AFDN: variants seen among roughly 807,000 people sequenced by gnomAD.
AFDN encodes the protein afadin, adherens junction formation factor.
Under a neutral mutation model 216.6 loss-of-function variants are expected in AFDN, and 68 were observed. The ratio of observed to expected loss-of-function variants is 0.31; its 90% confidence interval spans 0.26 to 0.38. The LOEUF is 0.38. Ranked by LOEUF, AFDN falls within the 10% of genes least tolerant of loss-of-function variation. AFDN has a pLI of 1.00. For synonymous variants in AFDN, 868 were observed against 853.7 expected (o/e 1.02, Z -0.29); for missense variants, 2,136 against 2,342.0 (o/e 0.91, Z 1.82).
chr6:167,866,520 T>C (rs1347177891), intron 2 of AFDN, among the ~76,000 whole-genome samples: 1 of 152,208 alleles, frequency 6.6e-6, no homozygotes, highest in Non-Finnish European at 1.5e-5. Flanking sequence ...TGTTTAACAG[T>C]GAACAGTTAG....
At position 167,917,241 on chromosome 6, in the gene AFDN, A is replaced by T; in HGVS notation, c.2709+9A>T. The T allele has an allele frequency of 6.3e-7, 1 of 1,579,818 alleles. No individual in the cohort carries two copies. ...AGCCTTTTATCCCAACGGTGAGTGG[A>T]TGTTGCCACATTACCACACAGTGCG... On this transcript the variant is annotated intron_variant, in intron 20 of 33. Coordinates refer to ENST00000683244, the MANE Select transcript of AFDN (RefSeq NM_001386888.1).
intron 1 of AFDN, among the ~76,000 whole-genome samples, chr6:167,835,889 T>A (rs543142227): frequency 9.8e-5 from 15 of 152,318 alleles, no homozygotes; most frequent in African/African-American, 3.6e-4. Context: ...AGGGCTGATT[T>A]AAAAAATATG....
intron 9 of AFDN, among the ~76,000 whole-genome samples, chr6:167,894,229 G>A (rs1474280218): frequency 3.9e-5 from 6 of 152,216 alleles, no homozygotes; most frequent in South Asian, 2.1e-4. Context: ...CTCGTTGGGC[G>A]GTGCTCAGCC....
chr6:167,950,313 T>TATCTGAGTAGACTCCTTTCATATGTGCCA (rs1795819233), intron 29 of AFDN, among the ~76,000 whole-genome samples: 1 of 152,228 alleles, frequency 6.6e-6, no homozygotes, highest in Admixed American at 6.5e-5. Context: ...TGATCATGTT[T>TATCTGAGTAGACTCCTTTCATATGTGCCA]ATCTGAGTAG....
chr6:167,894,018 A>G, intron 9 of AFDN, 112 bp downstream of exon 9: 2 of 806,396 alleles, frequency 2.5e-6, no homozygotes, highest in Non-Finnish European at 4.1e-6. Context: ...GTTGATATAA[A>G]TAACCTATTT....
intron 1 of AFDN, among the ~76,000 whole-genome samples, chr6:167,862,174 A>G (rs1298139870): frequency 6.6e-6 from 1 of 152,130 alleles, no homozygotes; most frequent in East Asian, 1.9e-4. Context: ...GGGTAGCGGC[A>G]GATGCTTGAA....
intron 13 of AFDN, 56 bp from the exon 14 acceptor site, chr6:167,911,045 G>T: frequency 1.4e-6 from 2 of 1,427,980 alleles, no homozygotes; most frequent in Non-Finnish European, 2.0e-6. Context: ...CAGGTTGTCA[G>T]TAATATTGTT....
chr6:167,966,187 A>C, intron 32 of AFDN, 142 bp downstream of exon 32: 1 of 1,534,304 alleles, frequency 6.5e-7, no homozygotes, highest in Non-Finnish European at 8.7e-7. Context: ...CCCTCAGCCA[A>C]AGCCAACAGT....
rs752823206 is a variant in AFDN at position 167,914,688 on chromosome 6, C to T, written c.2249C>T (p.Pro750Leu). The part of the protein sequence containing the change: ...CLQSELNNYM[P>L]AFLDDPEENS... The stretch of plus-strand genomic sequence containing the variant: ...CAATCAGAACTTAATAATTACATGC[C>T]AGCCTTTCTAGATGACCCTGAAGAG... The change falls in exon 18 of 34, where the codon CCA becomes CTA. Residue 750 changes from proline to leucine, a missense_variant. Pro to Leu is a moderately conservative substitution (Grantham distance 98, BLOSUM62 -3). Transcript: ENST00000683244. 2.5e-6 allele frequency: 4 copies of T among 1,613,454 alleles called. No homozygotes were observed. The highest frequency in any genetic ancestry group is 3.4e-6 in the Non-Finnish European group (4 of 1,179,672).
intron 32 of AFDN, 60 bp downstream of exon 32, chr6:167,966,105 A>G (rs1797529931): frequency 2.0e-6 from 3 of 1,536,600 alleles, no homozygotes; most frequent in Non-Finnish European, 2.6e-6. Context: ...TGCCCCTCTT[A>G]AACCACGGCC....
Position 167,911,397 on chromosome 6 carries a change from C to A in AFDN, c.1945C>A (p.Gln649Lys). The A allele has an allele frequency of 6.2e-7, 1 of 1,614,112 alleles. No homozygotes were observed. Among genetic ancestry groups the A allele is most frequent in the Non-Finnish European group, 8.5e-7 (1 of 1,180,004 alleles). ...YMACRYVLSN[Q>K]YRPDISPTER... is the part of the protein sequence containing the mutation. ...GGCATGCCGGTATGTATTGTCCAAC[C>A]AGTACAGACCTGACATCAGCCCTAC... The change falls in exon 15 of 34, where the codon CAG (glutamine) becomes AAG (lysine). Residue 649 changes from glutamine to lysine, a missense_variant. Physicochemically the swap from Gln to Lys is moderately conservative, Grantham distance 53. Around this residue, in one of 8 missense-constraint regions of AFDN, gnomAD observed 817 missense variants for 965.7 expected, o/e 0.85. Coordinates refer to ENST00000683244, the MANE Select transcript of AFDN (RefSeq NM_001386888.1).
rs745826243 is a variant in AFDN at position 167,922,811 on chromosome 6, AC to A, written c.2909-44del. 2.1e-5 allele frequency: 28 copies of A among 1,309,474 alleles called. 2 individuals are homozygous for A. The South Asian group carries it at 3.4e-4, about 16-fold the overall frequency. The allele number at this position is 1,309,474 out of a possible 1,614,324, so 81.1% of individuals were successfully genotyped here. A position where few individuals can be genotyped will look rare whatever the true frequency, so the allele number is the denominator to read the frequency against. ...AATTAATCTTGCTTCCTTTATCTTGACAAGATGTGCTTTTTCACTTACAATT... is the reference window on the plus strand; with the variant it reads ...AATTAATCTTGCTTCCTTTATCTTGAAAGATGTGCTTTTTCACTTACAATT... On this transcript the variant is annotated intron_variant, in intron 21 of 33. Transcript: ENST00000683244.
At position 167,962,697 on chromosome 6, in the gene AFDN, C is replaced by T; in HGVS notation, c.4968+130C>T. The T allele has an allele frequency of 6.5e-7, 1 of 1,545,310 alleles. No individual in the cohort carries two copies. Among genetic ancestry groups the T allele is most frequent in the Non-Finnish European group, 8.7e-7 (1 of 1,145,826 alleles). On this transcript the variant is annotated intron_variant, in intron 31 of 33. Coordinates refer to ENST00000683244, the MANE Select transcript of AFDN (RefSeq NM_001386888.1). The surrounding 1 kb of genome is among the most constrained non-coding windows in gnomAD (Gnocchi z 5.2). ...GAGGCAGAGCAGGGCCTGGCTCCCC[C>T]AGCTTTGTGATTGGACCTGCAACTT... is the stretch of plus-strand genomic sequence containing the variant.
chr6:167,957,910 C>CA (rs1796680097), intron 30 of AFDN, among the ~76,000 whole-genome samples: 1 of 152,218 alleles, frequency 6.6e-6, no homozygotes, highest in Admixed American at 6.5e-5. Flanking sequence ...TATGGCAGAG[C>CA]ACAAGGGCCT....
rs563608053 is a variant in AFDN at position 167,845,101 on chromosome 6, G to A, written c.105+17864G>A. Among the ~76,000 whole-genome samples, 109 of 152,072 alleles carry A rather than the reference G, an allele frequency of 7.2e-4. 1 individual carries two copies. Among genetic ancestry groups the A allele is most frequent in the Middle Eastern group, 3.4e-3 (1 of 294 alleles). ...GGTCTTGAACTCTTGGGCTCAAATG[G>A]TCTGCCTGCCTTGGCCTCCCAAAAT... On this transcript the variant is annotated intron_variant, in intron 1 of 33. Transcript: ENST00000683244.
At chr6:167,843,045 A>G (rs147013862) in intron 1 of AFDN, among the ~76,000 whole-genome samples, 3,020 of 152,312 alleles carry the variant, frequency 0.02, 56 homozygotes, top group Non-Finnish European at 0.033. Flanking sequence ...TAGGGGAGGA[A>G]AATAAATTGA....
At chr6:167,947,385 T>C (rs1297105125) in intron 27 of AFDN, among the ~76,000 whole-genome samples, 1 of 152,156 alleles carries the variant, frequency 6.6e-6, no homozygotes, top group Non-Finnish European at 1.5e-5. Flanking sequence ...TTCACCATGT[T>C]AGCCAGGATG....
Position 167,844,382 on chromosome 6 carries a change from T to C in AFDN, c.105+17145T>C, listed in dbSNP as rs557847633. 3.3e-5 allele frequency among the ~76,000 whole-genome samples: 5 copies of C among 152,330 alleles called. No individual in the cohort carries two copies. In the South Asian group the frequency reaches 1.0e-3, roughly 32 times the overall value. ...AAATTGGATCGTAGGATATACACTT[T>C]TCTGCAACATGCTTTATTAAAGAAA... On this transcript the variant is annotated intron_variant, in intron 1 of 33. Coordinates refer to ENST00000683244, the MANE Select transcript of AFDN (RefSeq NM_001386888.1).
intron 1 of AFDN, chr6:167,827,866 G>C (rs1451882876): frequency 6.6e-6 from 1 of 152,238 alleles, no homozygotes; most frequent in African/African-American, 2.4e-5. Context: ...GCCTCTGCCC[G>C]GAGGGAGGCG....
Sources: gnomAD v4.1 joint callset for allele counts (sites outside exome capture counted in the v4.1 genomes callset) on GRCh38, gnomAD v4.1.1 for gene constraint, gnomAD v4.1.1 regional missense constraint, Gnocchi (gnomAD v3.1) non-coding constraint, MANE v1.5 for transcripts, NCBI Gene and HGNC (gene_info 2026-07-23, HGNC 2026-07-21) for gene names.